Variants in ZNF804B observed in about 807,000 individuals in gnomAD.
The protein encoded by ZNF804B is zinc finger 804B.
Under a neutral mutation model 101.4 loss-of-function variants are expected in ZNF804B, and 80 were observed. The observed-to-expected ratio is 0.79, with a 90% CI of 0.66 to 0.95. The LOEUF (loss-of-function observed/expected upper bound fraction) is 0.95, where lower values mean the gene tolerates loss of function less well. Ranked by LOEUF, ZNF804B falls within the 40% of genes least tolerant of loss-of-function variation. ZNF804B has a pLI of 0.00. For missense variants in ZNF804B, 1,673 were observed against 1,561.9 expected, an observed-to-expected ratio of 1.07 and a Z score of -1.20; for synonymous variants, 622 against 558.8, an observed-to-expected ratio of 1.11 and a Z score of -1.59.
At chr7:89,319,653 G>C (rs982727051) in intron 2 of ZNF804B, among the ~76,000 whole-genome samples, 1 of 152,166 alleles carries the variant, frequency 6.6e-6, no homozygotes, top group Non-Finnish European at 1.5e-5. Flanking sequence ...CTACACAGTA[G>C]CAATGTACTT....
At chr7:89,090,801 T>C (rs1163139422) in intron 1 of ZNF804B, among the ~76,000 whole-genome samples, 1 of 151,990 alleles carries the variant, frequency 6.6e-6, no homozygotes, top group Non-Finnish European at 1.5e-5. Context: ...GCAGGCTGCA[T>C]ACAGGCACAT....
intron 1 of ZNF804B, among the ~76,000 whole-genome samples, chr7:89,109,847 T>A (rs1790189337): frequency 6.6e-6 from 1 of 152,168 alleles, no homozygotes; most frequent in African/African-American, 2.4e-5. Context: ...AAAGTGAGTT[T>A]ATATGTCTTA....
At chr7:88,932,286 A>C (rs1386333412) in intron 1 of ZNF804B, among the ~76,000 whole-genome samples, 2 of 151,870 alleles carry the variant, frequency 1.3e-5, no homozygotes, top group Admixed American at 1.3e-4. Flanking sequence ...AAATGACTAC[A>C]TCAAAAAGTC....
chr7:88,871,429 A>G (rs1417709224), intron 1 of ZNF804B, among the ~76,000 whole-genome samples: 1 of 152,118 alleles, frequency 6.6e-6, no homozygotes, highest in Non-Finnish European at 1.5e-5. Flanking sequence ...AAACCTGAAA[A>G]TAGTAGAGGA....
chr7:88,918,882 T>G (rs946343287), intron 1 of ZNF804B, among the ~76,000 whole-genome samples: 1 of 152,174 alleles, frequency 6.6e-6, no homozygotes, highest in South Asian at 2.1e-4. Context: ...ACTATATTTC[T>G]TACATACAGA....
intron 2 of ZNF804B, among the ~76,000 whole-genome samples, chr7:89,220,160 T>TGTGCGTGTATATACATGTATATAC (rs1788981570): frequency 1.8e-5 from 1 of 54,692 alleles, no homozygotes; most frequent in African/African-American, 8.3e-5. Flanking sequence ...CATATATATA[T>TGTGCGTGTATATACATGTATATAC]ACGCACATAT....
chr7:89,015,495 C>A (rs1279039727), intron 1 of ZNF804B, among the ~76,000 whole-genome samples: 1 of 151,694 alleles, frequency 6.6e-6, no homozygotes, highest in African/African-American at 2.4e-5. Flanking sequence ...GCTCCCCCCA[C>A]CCCACAACAG....
At chr7:89,024,513 A>G (rs1007952892) in intron 1 of ZNF804B, among the ~76,000 whole-genome samples, 1 of 151,334 alleles carries the variant, frequency 6.6e-6, no homozygotes, top group Non-Finnish European at 1.5e-5. Context: ...TTATATTAGT[A>G]TACATTTGGC....
At chr7:89,171,263 A>G (rs1791219838) in intron 1 of ZNF804B, among the ~76,000 whole-genome samples, 1 of 146,536 alleles carries the variant, frequency 6.8e-6, no homozygotes, top group African/African-American at 2.5e-5. Context: ...AACTCAATGA[A>G]GTAGGCACAA....
At chr7:89,106,584 T>C (rs1790140504) in intron 1 of ZNF804B, among the ~76,000 whole-genome samples, 1 of 152,090 alleles carries the variant, frequency 6.6e-6, no homozygotes, top group African/African-American at 2.4e-5. Context: ...TACAATCTAA[T>C]GAAAAGAAAT....
chr7:88,775,183 A>G (rs1417862341), intron 1 of ZNF804B, among the ~76,000 whole-genome samples: 1 of 152,338 alleles, frequency 6.6e-6, no homozygotes, highest in East Asian at 1.9e-4. Context: ...AAGAATAAAC[A>G]GGGTGACCCT....
intron 1 of ZNF804B, among the ~76,000 whole-genome samples, chr7:89,181,608 C>G (rs546977983): frequency 7.4e-6 from 1 of 135,336 alleles, no homozygotes; most frequent in East Asian, 2.0e-4. Context: ...GACTGTCTTT[C>G]TTCAGTGGCT....
At position 89,336,890 on chromosome 7, in the gene ZNF804B, C is replaced by T. The variant is rs144773761; in HGVS notation, c.3908C>T (p.Ala1303Val). 4.3e-4 allele frequency: 691 copies of T among 1,613,956 alleles called. 5 individuals carry two copies. The highest frequency in any genetic ancestry group is 4.7e-4 in the Admixed American group (28 of 59,966). ...TTGTTTGGTCCTCACTTAAATCCAG[C>T]CACAACTTCTATCATCCACTTGAAT... ...PTLFGPHLNP[A>V]TTSIIHLNPL... Residue 1303 changes from alanine to valine, a missense_variant, in exon 4 of 4, where the codon GCC becomes GTC. By Grantham distance (64) the Ala-to-Val change is moderately conservative (BLOSUM62 0). Transcript: ENST00000333190.
At chr7:89,097,771 G>C (rs912304238) in intron 1 of ZNF804B, among the ~76,000 whole-genome samples, 2 of 152,064 alleles carry the variant, frequency 1.3e-5, no homozygotes, top group Non-Finnish European at 2.9e-5. Context: ...TTGTGAGAGG[G>C]TTTCTTGAGT....
At chr7:89,189,699 A>G (rs1788426406) in intron 1 of ZNF804B, among the ~76,000 whole-genome samples, 1 of 152,160 alleles carries the variant, frequency 6.6e-6, no homozygotes, top group Admixed American at 6.6e-5. Flanking sequence ...AGCAGCTTCA[A>G]GCGGGGAAGC....
intron 1 of ZNF804B, among the ~76,000 whole-genome samples, chr7:88,973,659 C>T (rs1473648116): frequency 6.6e-6 from 1 of 151,162 alleles, no homozygotes; most frequent in East Asian, 2.0e-4. Flanking sequence ...TTTTATGCTA[C>T]AGTGACCTAT....
chr7:89,320,898 CA>C (rs1000513498), intron 2 of ZNF804B, among the ~76,000 whole-genome samples: 1 of 151,732 alleles, frequency 6.6e-6, no homozygotes, highest in Non-Finnish European at 1.5e-5. Flanking sequence ...AATACATATC[CA>C]AAAAATATGT....
At chr7:89,218,961 G>A (rs1432601162) in intron 2 of ZNF804B, among the ~76,000 whole-genome samples, 1 of 151,998 alleles carries the variant, frequency 6.6e-6, no homozygotes, top group Admixed American at 6.6e-5. Flanking sequence ...AAATCCACAT[G>A]TAAGTGGACC....
chr7:89,076,489 T>C (rs989290613), intron 1 of ZNF804B, among the ~76,000 whole-genome samples: 2 of 152,166 alleles, frequency 1.3e-5, no homozygotes, highest in Admixed American at 1.3e-4. Context: ...TGTAAATCCA[T>C]TAAACCTCTT....
Sources: allele counts gnomAD v4.1 joint callset (sites outside exome capture counted in the v4.1 genomes callset), GRCh38; gene constraint gnomAD v4.1.1; transcripts MANE v1.5; gene names NCBI Gene and HGNC (gene_info 2026-07-23, HGNC 2026-07-21).